Variants in EYS observed in about 807,000 individuals in gnomAD.
EYS encodes EGF-like photoreceptor maintenance factor.
EYS carries 250 observed loss-of-function variants against 282.1 expected under a neutral mutation model. That is an observed-to-expected ratio of 0.89 (90% CI 0.80 to 0.98). The LOEUF (loss-of-function observed/expected upper bound fraction) is 0.98. EYS is among the 50% of genes least tolerant of loss of function. The pLI is 0.00. For missense variants in EYS, 4,016 were observed against 3,709.0 expected (o/e 1.08, Z -2.15); for synonymous variants, 1,355 against 1,282.9 (o/e 1.06, Z -1.20).
rs575629963 is a variant in EYS, at chr6:64,944,823, G to T, written c.2381+970C>A. On this transcript the variant is annotated intron_variant, in intron 15 of 42. Transcript: ENST00000503581. ...CTATGGTGGGAGGCGAGACATGTTT[G>T]CAGCAATGCTGCCTTGTTATTCTTT... 5.3e-5 allele frequency among the ~76,000 whole-genome samples: 8 copies of T among 152,234 alleles called. No individual in the cohort carries two copies. In the East Asian group the frequency reaches 1.4e-3, roughly 26 times the overall value.
intron 29 of EYS, among the ~76,000 whole-genome samples, chr6:64,314,194 C>CAA (rs138447983): frequency 0.032 from 897 of 27,658 alleles, 180 homozygotes; most frequent in Admixed American, 0.15. Flanking sequence ...AAATGGAAAG[C>CAA]AAAAAAAAAA....
At chr6:65,486,968 C>A (rs1006498869) in intron 5 of EYS, among the ~76,000 whole-genome samples, 1 of 152,004 alleles carries the variant, frequency 6.6e-6, no homozygotes, top group African/African-American at 2.4e-5. Flanking sequence ...TGATTTGGCT[C>A]TCTGTTTGTC....
chr6:64,740,870 C>T (rs779590118), intron 22 of EYS, among the ~76,000 whole-genome samples: 11 of 152,068 alleles, frequency 7.2e-5, no homozygotes, highest in Non-Finnish European at 1.3e-4. Context: ...CCAGCCACCA[C>T]GCCTGGCTAA....
intron 33 of EYS, among the ~76,000 whole-genome samples, chr6:64,029,807 C>T (rs1356588033): frequency 6.6e-6 from 1 of 152,198 alleles, no homozygotes; most frequent in Admixed American, 6.5e-5. Context: ...TTACCCGAGC[C>T]TTAGAACTGG....
chr6:64,338,016 C>T (rs1372307245), intron 29 of EYS, among the ~76,000 whole-genome samples: 1 of 151,992 alleles, frequency 6.6e-6, no homozygotes, highest in East Asian at 1.9e-4. Flanking sequence ...AACCCACAGT[C>T]AACATAATAC....
intron 12 of EYS, among the ~76,000 whole-genome samples, chr6:65,166,890 A>G (rs1229907240): frequency 1.3e-5 from 2 of 151,228 alleles, no homozygotes; most frequent in Non-Finnish European, 3.0e-5. Flanking sequence ...TTGAAGATAC[A>G]GTTCTTCCAA....
At chr6:64,988,480 T>A (rs1770942469) in intron 14 of EYS, among the ~76,000 whole-genome samples, 1 of 151,508 alleles carries the variant, frequency 6.6e-6, no homozygotes. Flanking sequence ...CTAAAAAAAG[T>A]TAAAAGACGT....
chr6:64,983,920 C>A (rs1770764883), intron 14 of EYS, among the ~76,000 whole-genome samples: 1 of 151,204 alleles, frequency 6.6e-6, no homozygotes, highest in African/African-American at 2.4e-5. Context: ...CTCTTAAACA[C>A]CTGGCATAGA....
intron 15 of EYS, among the ~76,000 whole-genome samples, chr6:64,940,961 A>G (rs1769068786): frequency 6.6e-6 from 1 of 152,106 alleles, no homozygotes; most frequent in East Asian, 1.9e-4. Context: ...TTGTAAAATA[A>G]TCATCTGAGT....
intron 29 of EYS, among the ~76,000 whole-genome samples, chr6:64,387,165 T>A (rs1372118229): frequency 1.3e-5 from 2 of 152,108 alleles, no homozygotes; most frequent in African/African-American, 4.8e-5. Context: ...ACCTTTCCAT[T>A]ACCTAAGTCT....
At chr6:64,895,102 G>A (rs565570731) in intron 18 of EYS, among the ~76,000 whole-genome samples, 221 of 152,184 alleles carry the variant, frequency 1.5e-3, no homozygotes, top group African/African-American at 5.1e-3. Context: ...CAGGGGTGGT[G>A]ATTCCAAACA....
chr6:64,048,924 G>T (rs183467224), intron 33 of EYS, among the ~76,000 whole-genome samples: 2 of 151,518 alleles, frequency 1.3e-5, no homozygotes, highest in Admixed American at 1.3e-4. Flanking sequence ...CTAGATGTTT[G>T]CTCATGCTGT....
At chr6:65,618,707 A>G (rs1259537352) in intron 2 of EYS, among the ~76,000 whole-genome samples, 1 of 152,172 alleles carries the variant, frequency 6.6e-6, no homozygotes, top group Non-Finnish European at 1.5e-5. Context: ...TAAGTCTTTA[A>G]TCCATCTTGA....
intron 9 of EYS, among the ~76,000 whole-genome samples, chr6:65,344,991 A>G (rs1433125868): frequency 6.6e-6 from 1 of 151,704 alleles, no homozygotes; most frequent in Non-Finnish European, 1.5e-5. Context: ...TAGTAAACAA[A>G]TCTAAACTCT....
chr6:64,071,958 C>G (rs1455484141), intron 32 of EYS, among the ~76,000 whole-genome samples: 2 of 151,662 alleles, frequency 1.3e-5, no homozygotes, highest in East Asian at 2.0e-4. Flanking sequence ...AGGAAGAATT[C>G]AAAACATGGT....
At chr6:63,750,340 T>C (rs2149647962) in intron 41 of EYS, among the ~76,000 whole-genome samples, 1 of 152,308 alleles carries the variant, frequency 6.6e-6, no homozygotes, top group South Asian at 2.1e-4. Flanking sequence ...ATTTTTTGCT[T>C]GGGTTTGAGC....
chr6:65,545,199 A>G (rs1236852801), intron 2 of EYS, among the ~76,000 whole-genome samples: 4 of 151,608 alleles, frequency 2.6e-5, no homozygotes, highest in Non-Finnish European at 4.4e-5. Flanking sequence ...CTAGAATTAC[A>G]GGTGCGAGCC....
chr6:64,798,714 C>G (rs551311295), intron 22 of EYS, among the ~76,000 whole-genome samples: 10 of 145,888 alleles, frequency 6.9e-5, no homozygotes, highest in African/African-American at 2.0e-4. Context: ...GATCCTTAGT[C>G]TCCTTCCTTC....
At chr6:63,842,674 T>C (rs1771992388) in intron 36 of EYS, among the ~76,000 whole-genome samples, 1 of 152,206 alleles carries the variant, frequency 6.6e-6, no homozygotes, top group Non-Finnish European at 1.5e-5. Context: ...AGTCATGAAG[T>C]CTTTGCCCAT....
Sources: allele counts gnomAD v4.1 joint callset (sites outside exome capture counted in the v4.1 genomes callset), GRCh38; gene constraint gnomAD v4.1.1; transcripts MANE v1.5; gene names NCBI Gene and HGNC (gene_info 2026-07-23, HGNC 2026-07-21).